TBC1D19: variants seen among roughly 807,000 people sequenced by gnomAD.
TBC1D19 encodes the protein TBC1 domain family, member 19.
In TBC1D19, 60 loss-of-function variants were observed where a neutral mutation model predicts 89.0. The observed-to-expected ratio is 0.67, with a 90% CI of 0.55 to 0.84. The LOEUF is 0.84. TBC1D19 is among the 40% of genes least tolerant of loss of function. TBC1D19 has a pLI of 0.00. For missense variants in TBC1D19, 500 were observed against 610.8 expected (o/e 0.82, Z 1.91); for synonymous variants, 189 against 199.7 (o/e 0.95, Z 0.45).
the TBC1D19 span, among the ~76,000 whole-genome samples, chr4:26,855,044 G>A: frequency 6.6e-6 from 1 of 152,166 alleles, no homozygotes; most frequent in African/African-American, 2.4e-5. Flanking sequence ...TGGAGGCATC[G>A]TGAGAGACTG....
the TBC1D19 span, among the ~76,000 whole-genome samples, chr4:26,776,452 T>C: frequency 4.6e-5 from 7 of 152,312 alleles, no homozygotes; most frequent in South Asian, 1.4e-3. Flanking sequence ...TATATGTTTT[T>C]CCCAATTTTG....
intron 19 of TBC1D19, among the ~76,000 whole-genome samples, chr4:26,753,575 A>C (rs187539123): frequency 2.6e-4 from 40 of 152,348 alleles, no homozygotes; most frequent in Non-Finnish European, 4.9e-4. Flanking sequence ...CTTTTTTTTA[A>C]GAACACTGAA....
At chr4:26,766,772 G>A in the TBC1D19 span, among the ~76,000 whole-genome samples, 17 of 152,078 alleles carry the variant, frequency 1.1e-4, no homozygotes, top group Non-Finnish European at 1.8e-4. Flanking sequence ...TAACCTTTAA[G>A]CCTTGATTTC....
intron 13 of TBC1D19, among the ~76,000 whole-genome samples, chr4:26,709,219 C>A (rs989058550): frequency 3.3e-5 from 5 of 151,992 alleles, no homozygotes; most frequent in African/African-American, 1.2e-4. Flanking sequence ...AATCTAACAT[C>A]TTGGGACTTT....
intron 4 of TBC1D19, among the ~76,000 whole-genome samples, chr4:26,635,206 T>G (rs1743049848): frequency 6.6e-6 from 1 of 152,110 alleles, no homozygotes. Flanking sequence ...TTCTTACCTG[T>G]TTTCTCCACC....
chr4:26,727,781 G>A (rs1276156543), intron 15 of TBC1D19, among the ~76,000 whole-genome samples: 1 of 152,042 alleles, frequency 6.6e-6, no homozygotes, highest in Non-Finnish European at 1.5e-5. Flanking sequence ...ATTTATAAAT[G>A]AATTTTATAT....
chr4:26,855,926 CA>C, the TBC1D19 span, among the ~76,000 whole-genome samples: 3 of 152,174 alleles, frequency 2.0e-5, no homozygotes, highest in African/African-American at 7.2e-5. Flanking sequence ...CATTGTAGAA[CA>C]ATTCAACTGA....
chr4:26,849,630 C>T, the TBC1D19 span, among the ~76,000 whole-genome samples: 13 of 152,254 alleles, frequency 8.5e-5, no homozygotes, highest in South Asian at 8.3e-4. Flanking sequence ...TAATCTCAGA[C>T]GCCCAGCAAG....
chr4:26,601,413 C>T (rs1447184943), intron 1 of TBC1D19, among the ~76,000 whole-genome samples: 3 of 152,136 alleles, frequency 2.0e-5, no homozygotes, highest in African/African-American at 7.2e-5. Context: ...TTATTGAACA[C>T]TTCCTATGTG....
intron 13 of TBC1D19, among the ~76,000 whole-genome samples, chr4:26,690,621 G>A (rs191769012): frequency 2.3e-4 from 35 of 152,220 alleles, no homozygotes; most frequent in African/African-American, 7.2e-4. Flanking sequence ...TCTATAAATG[G>A]AACAAGAAAG....
At chr4:26,595,958 TA>T (rs112990660) in intron 1 of TBC1D19, among the ~76,000 whole-genome samples, 20 of 152,164 alleles carry the variant, frequency 1.3e-4, no homozygotes, top group East Asian at 7.7e-4. Context: ...TATTTTTAAT[TA>T]AAAAAAATTT....
intron 1 of TBC1D19, among the ~76,000 whole-genome samples, chr4:26,603,299 C>T (rs1435324554): frequency 6.6e-6 from 1 of 151,964 alleles, no homozygotes; most frequent in African/African-American, 2.4e-5. Context: ...ACTTAGTTAA[C>T]CAATATATTT....
At chr4:26,788,331 C>T in the TBC1D19 span, among the ~76,000 whole-genome samples, 1 of 152,300 alleles carries the variant, frequency 6.6e-6, no homozygotes, top group East Asian at 1.9e-4. Flanking sequence ...AGCATTAGAG[C>T]TGAAAAGTGC....
At chr4:26,664,062 G>C (rs1236040235) in intron 8 of TBC1D19, among the ~76,000 whole-genome samples, 2 of 152,190 alleles carry the variant, frequency 1.3e-5, no homozygotes, top group African/African-American at 2.4e-5. Flanking sequence ...CCTGTGCCAA[G>C]TAGTAAAGCA....
Position 26,695,178 on chromosome 4 carries a change from G to A in TBC1D19, c.954+6771G>A, listed in dbSNP as rs562272623. On this transcript the variant is annotated intron_variant, in intron 13 of 20. Coordinates refer to ENST00000264866, the MANE Select transcript of TBC1D19 (RefSeq NM_018317.4). ...AGTACGTAAGTGACCTGATGGAGCTGAAAACCATGGCATGAGAACTACGTG... is the reference window on the plus strand; with the variant it reads ...AGTACGTAAGTGACCTGATGGAGCTAAAAACCATGGCATGAGAACTACGTG... 2.6e-5 allele frequency among the ~76,000 whole-genome samples: 4 copies of A among 152,294 alleles called. No individual in the cohort carries two copies. The East Asian group carries it at 7.7e-4, about 29-fold the overall frequency.
At chr4:26,798,161 T>G in the TBC1D19 span, among the ~76,000 whole-genome samples, 1 of 152,148 alleles carries the variant, frequency 6.6e-6, no homozygotes, top group South Asian at 2.1e-4. Context: ...AAAGGACTAA[T>G]ATCCAGAATC....
the TBC1D19 span, among the ~76,000 whole-genome samples, chr4:26,851,335 A>ATCTATCTC: frequency 2.9e-5 from 3 of 103,234 alleles, no homozygotes; most frequent in African/African-American, 1.1e-4. Flanking sequence ...CTATCTATCT[A>ATCTATCTC]TCTATCTATC....
chr4:26,814,591 G>A, the TBC1D19 span, among the ~76,000 whole-genome samples: 3 of 152,240 alleles, frequency 2.0e-5, no homozygotes, highest in African/African-American at 7.2e-5. Context: ...CAGAAGCACA[G>A]TGCTTTAGTC....
At chr4:26,696,986 G>A (rs1266178262) in intron 13 of TBC1D19, among the ~76,000 whole-genome samples, 2 of 152,082 alleles carry the variant, frequency 1.3e-5, no homozygotes, top group African/African-American at 4.8e-5. Context: ...AAAGCTAGCA[G>A]AAGACAAGAA....
Sources: gnomAD v4.1 joint callset for allele counts (sites outside exome capture counted in the v4.1 genomes callset) on GRCh38, gnomAD v4.1.1 for gene constraint, MANE v1.5 for transcripts, NCBI Gene and HGNC (gene_info 2026-07-23, HGNC 2026-07-21) for gene names.